Variants in ANKFN1 observed in about 807,000 individuals in gnomAD.
The protein encoded by ANKFN1 is ankyrin repeat and fibronectin type III domain containing 1, also known as ankyrin repeat and fibronectin type-III domain-containing protein 1.
ANKFN1 carries 74 observed loss-of-function variants against 108.7 expected under a neutral mutation model. That is an observed-to-expected ratio of 0.68 (90% CI 0.56 to 0.83). ANKFN1 has a LOEUF of 0.83. ANKFN1 is among the 40% of genes least tolerant of loss of function. The pLI, the probability that ANKFN1 is intolerant of heterozygous loss-of-function variation, is 0.00. For synonymous variants in ANKFN1, 547 were observed against 516.2 expected (o/e 1.06, Z -0.81); for missense variants, 1,505 against 1,382.3 (o/e 1.09, Z -1.41).
At chr17:56,183,895 A>G (rs987603419) in intron 1 of ANKFN1, among the ~76,000 whole-genome samples, 1 of 152,242 alleles carries the variant, frequency 6.6e-6, no homozygotes, top group African/African-American at 2.4e-5. Context: ...AACTAAAATT[A>G]GAAGTAAAGC....
At chr17:56,185,424 A>G (rs1912096071) in intron 1 of ANKFN1, among the ~76,000 whole-genome samples, 1 of 152,078 alleles carries the variant, frequency 6.6e-6, no homozygotes, top group Non-Finnish European at 1.5e-5. Flanking sequence ...AACCTTTATA[A>G]CCCCCCTTCC....
chr17:56,380,501 C>T (rs1940356903), intron 8 of ANKFN1, among the ~76,000 whole-genome samples: 1 of 152,178 alleles, frequency 6.6e-6, no homozygotes, highest in South Asian at 2.1e-4. Context: ...ACTCGGGAAG[C>T]ACAAGGAGTC....
At chr17:56,341,313 T>C (rs1164409262) in intron 4 of ANKFN1, among the ~76,000 whole-genome samples, 1 of 152,160 alleles carries the variant, frequency 6.6e-6, no homozygotes, top group Admixed American at 6.6e-5. Context: ...TGTTGCCTGA[T>C]TGCCTTGTCC....
chr17:56,237,865 G>C (rs1466421462), intron 3 of ANKFN1, among the ~76,000 whole-genome samples: 1 of 152,030 alleles, frequency 6.6e-6, no homozygotes, highest in African/African-American at 2.4e-5. Flanking sequence ...CTGTTGTGAT[G>C]TTAGGTTGTT....
intron 1 of ANKFN1, among the ~76,000 whole-genome samples, chr17:56,182,080 A>G (rs976172349): frequency 1.3e-5 from 2 of 152,160 alleles, no homozygotes; most frequent in Non-Finnish European, 2.9e-5. Flanking sequence ...TGCTCTGCCA[A>G]TGGGCCCTTC....
chr17:56,169,835 T>C (rs1446279821), intron 1 of ANKFN1, among the ~76,000 whole-genome samples: 1 of 152,186 alleles, frequency 6.6e-6, no homozygotes, highest in Admixed American at 6.5e-5. Context: ...CTAAAGGTGC[T>C]CCTGCTGGGG....
chr17:56,139,399 A>C (rs1191968094), intron 4 of ANKFN1, among the ~76,000 whole-genome samples: 1 of 152,164 alleles, frequency 6.6e-6, no homozygotes, highest in Admixed American at 6.6e-5. Flanking sequence ...ACCTGGTTGA[A>C]TATTGCATTC....
intron 4 of ANKFN1, among the ~76,000 whole-genome samples, chr17:56,349,939 C>G (rs146863780): frequency 1.3e-5 from 2 of 152,226 alleles, no homozygotes; most frequent in Non-Finnish European, 2.9e-5. Flanking sequence ...AATACATATA[C>G]ACATGCCAGG....
At chr17:56,413,758 C>T (rs1363886398) in intron 8 of ANKFN1, among the ~76,000 whole-genome samples, 2 of 151,880 alleles carry the variant, frequency 1.3e-5, no homozygotes, top group Non-Finnish European at 1.5e-5. Context: ...CTTGCTCTGT[C>T]ACCCAGGCTG....
intron 1 of ANKFN1, among the ~76,000 whole-genome samples, chr17:56,200,144 G>C (rs1391056795): frequency 2.0e-5 from 3 of 152,172 alleles, no homozygotes; most frequent in Admixed American, 6.5e-5. Context: ...ATGTTTTGAG[G>C]CTTAAGTAGA....
intron 4 of ANKFN1, among the ~76,000 whole-genome samples, chr17:56,341,655 C>T (rs11079223): frequency 0.5 from 75,721 of 151,730 alleles, 19,280 homozygotes; most frequent in Middle Eastern, 0.57. Flanking sequence ...AAGGATGAAG[C>T]CTATTTCATC....
At chr17:56,052,646 C>G (rs1904798088) in intron 4 of ANKFN1, among the ~76,000 whole-genome samples, 1 of 152,116 alleles carries the variant, frequency 6.6e-6, no homozygotes, top group Non-Finnish European at 1.5e-5. Context: ...CATCTCTCAC[C>G]TAATAATGAC....
chr17:56,474,111 C>T (rs1031055367), intron 15 of ANKFN1, among the ~76,000 whole-genome samples: 1 of 152,058 alleles, frequency 6.6e-6, no homozygotes, highest in African/African-American at 2.4e-5. Flanking sequence ...AAATTTGGGA[C>T]CCACAAATTT....
chr17:56,475,572 A>G (rs1302759027), intron 15 of ANKFN1, among the ~76,000 whole-genome samples: 2 of 152,166 alleles, frequency 1.3e-5, no homozygotes, highest in Non-Finnish European at 2.9e-5. Context: ...TTAATGGTAG[A>G]GTTGATTCCC....
chr17:56,506,590 G>C (rs543738327), intron 20 of ANKFN1, among the ~76,000 whole-genome samples: 1 of 151,684 alleles, frequency 6.6e-6, no homozygotes, highest in South Asian at 2.1e-4. Flanking sequence ...ATAAATTTCT[G>C]TTGTTTTAAG....
At chr17:56,157,444 G>C (rs527894786) in intron 1 of ANKFN1, among the ~76,000 whole-genome samples, 1 of 152,170 alleles carries the variant, frequency 6.6e-6, no homozygotes, top group Non-Finnish European at 1.5e-5. Context: ...ACCCTCGGAT[G>C]ACCATCATTA....
chr17:56,248,274 A>G (rs2043160869), intron 3 of ANKFN1, among the ~76,000 whole-genome samples: 1 of 152,164 alleles, frequency 6.6e-6, no homozygotes, highest in South Asian at 2.1e-4. Context: ...GAGTATGAGA[A>G]GCCTTGGTGC....
At position 56,476,104 on chromosome 17, in the gene ANKFN1, G is replaced by T. The variant is rs192860760; in HGVS notation, c.1774-1384G>T. The stretch of plus-strand genomic sequence containing the variant: ...ATCTTGTGAGAACTCACTATCATGA[G>T]AACAGCAAGGAGGAAATCCACACCC... On this transcript the variant is annotated intron_variant, in intron 15 of 20. Coordinates refer to ENST00000682825, the MANE Select transcript of ANKFN1 (RefSeq NM_001370326.1). Among the ~76,000 whole-genome samples, 23 of 152,270 alleles carry T rather than the reference G, an allele frequency of 1.5e-4. No individual in the cohort carries two copies. The East Asian group carries it at 4.3e-3, about 28-fold the overall frequency.
chr17:56,379,752 T>C (rs1047192715), intron 8 of ANKFN1, among the ~76,000 whole-genome samples: 1 of 152,222 alleles, frequency 6.6e-6, no homozygotes. Flanking sequence ...ATATTTTCTG[T>C]TATATAATGT....
Sources: gnomAD v4.1 joint callset for allele counts (sites outside exome capture counted in the v4.1 genomes callset) on GRCh38, gnomAD v4.1.1 for gene constraint, MANE v1.5 for transcripts, NCBI Gene and HGNC (gene_info 2026-07-23, HGNC 2026-07-21) for gene names.